The following DPYSL3 variants were observed in gnomAD, a reference collection of about 807,000 sequenced individuals.
DPYSL3 encodes dihydropyrimidinase like 3, also known as dihydropyrimidinase-related protein 3.
DPYSL3 carries 16 observed loss-of-function variants against 66.1 expected under a neutral mutation model. The ratio of observed to expected loss-of-function variants is 0.24; its 90% CI spans 0.16 to 0.37. The LOEUF is 0.37. Among genes scored for constraint, DPYSL3 ranks in the 10% least tolerant of loss-of-function variants. The pLI is 1.00. For missense variants in DPYSL3, 738 were observed against 916.2 expected, an observed-to-expected ratio of 0.81 and a Z score of 2.51; for synonymous variants, 338 against 345.1, an observed-to-expected ratio of 0.98 and a Z score of 0.23.
chr5:147,449,501 G>A lies in DPYSL3; in HGVS notation c.382-24538C>T, dbSNP rs1029575913. Among the ~76,000 whole-genome samples the A allele has an allele frequency of 1.1e-4, 17 of 152,296 alleles. No homozygotes were observed. In the South Asian group the frequency reaches 3.5e-3, roughly 32 times the overall value. ...GGAAAAGACCAGTTCTCTATAATTTGTCTCCTAGAGGGAATTCTGGAGCTG... is the reference window on the plus strand; with the variant it reads ...GGAAAAGACCAGTTCTCTATAATTTATCTCCTAGAGGGAATTCTGGAGCTG... On this transcript the variant is annotated intron_variant, in intron 1 of 13. Transcript: ENST00000343218.
chr5:147,470,562 G>A (rs1480005047), intron 1 of DPYSL3, among the ~76,000 whole-genome samples: 1 of 151,970 alleles, frequency 6.6e-6, no homozygotes, highest in Non-Finnish European at 1.5e-5. Flanking sequence ...TCATTCCTCA[G>A]TATTCTCAGA....
At chr5:147,397,896 A>AC (rs762806495) in intron 11 of DPYSL3, 51 bp from the exon 12 acceptor site, 1 of 791,506 alleles carries the variant, frequency 1.3e-6, no homozygotes, top group Non-Finnish European at 1.8e-6. Context: ...AGAAAGAGGA[A>AC]CGTACCTTCT....
At chr5:147,432,502 G>C (rs1752333282) in intron 1 of DPYSL3, among the ~76,000 whole-genome samples, 1 of 152,212 alleles carries the variant, frequency 6.6e-6, no homozygotes, top group Admixed American at 6.5e-5. Flanking sequence ...GGAATGGACT[G>C]TGGGGAGCAC....
intron 1 of DPYSL3, among the ~76,000 whole-genome samples, chr5:147,441,288 C>T (rs1167820932): frequency 1.3e-5 from 2 of 151,484 alleles, no homozygotes; most frequent in South Asian, 2.1e-4. Context: ...ATCAGGGTGT[C>T]AGCAGGCTTG....
chr5:147,465,226 AAAC>A (rs1368952448), intron 1 of DPYSL3, among the ~76,000 whole-genome samples: 3 of 152,134 alleles, frequency 2.0e-5, no homozygotes. Context: ...ACAAAAAACA[AAAC>A]AACAACAATA....
At chr5:147,448,918 G>C (rs893657188) in intron 1 of DPYSL3, among the ~76,000 whole-genome samples, 1 of 152,158 alleles carries the variant, frequency 6.6e-6, no homozygotes, top group Admixed American at 6.5e-5. Flanking sequence ...AGACTTCCAT[G>C]ATCAGATATC....
Position 147,397,769 on chromosome 5 carries a change from A to G in DPYSL3, c.1700T>C (p.Met567Thr). The G allele has an allele frequency of 1.2e-6, 2 of 1,614,186 alleles. No homozygotes were observed. The highest frequency in any genetic ancestry group is 2.2e-5 in the East Asian group (1 of 44,880). ...CACGTGCAGGTTGCCATCTTCCAGC[A>G]TGATCTTGCCCTGGCAGATGACAAC... ...PLVVICQGKI[M>T]LEDGNLHVTQ... Residue 567 changes from methionine (M) to threonine (T), a missense_variant, in exon 12 of 14, where the codon ATG becomes ACG. Coordinates refer to ENST00000343218, the MANE Select transcript of DPYSL3 (RefSeq NM_001197294.2).
chr5:147,451,767 T>A (rs972308287), intron 1 of DPYSL3, among the ~76,000 whole-genome samples: 1 of 152,260 alleles, frequency 6.6e-6, no homozygotes, highest in Admixed American at 6.5e-5. Context: ...TTCAATCTCC[T>A]GAGTTGGGGA....
chr5:147,443,571 G>A (rs753960231), intron 1 of DPYSL3, among the ~76,000 whole-genome samples: 4 of 150,678 alleles, frequency 2.7e-5, no homozygotes, highest in Non-Finnish European at 5.9e-5. Context: ...TAACAAACCT[G>A]CACGTTCTGC....
intron 3 of DPYSL3, 22 bp from the exon 4 acceptor site, chr5:147,415,895 T>G: frequency 1.2e-6 from 2 of 1,611,110 alleles, no homozygotes; most frequent in South Asian, 1.1e-5. Context: ...AGACCCCAGA[T>G]GAGTCACTCT....
Position 147,394,054 on chromosome 5 carries a change from T to A in DPYSL3, c.2036A>T (p.Asn679Ile). ...RIVAPPGGRS[N>I]ITSLS ...GCTTGCTTAACTCAGAGATGTGATA[T>A]TAGAACGGCCGCCTGGGGGCGCCAC... The change falls in exon 14 of 14, where the codon AAT (asparagine) becomes ATT (isoleucine). Residue 679 changes from asparagine to isoleucine, a missense_variant. By Grantham distance (149) the Asn-to-Ile change is moderately radical. Coordinates refer to ENST00000343218, the MANE Select transcript of DPYSL3 (RefSeq NM_001197294.2). The A allele has an allele frequency of 6.2e-7, 1 of 1,614,178 alleles. No homozygotes were observed. Among genetic ancestry groups the A allele is most frequent in the Non-Finnish European group, 8.5e-7 (1 of 1,180,024 alleles).
At chr5:147,493,053 A>C (rs1753440125) in intron 1 of DPYSL3, among the ~76,000 whole-genome samples, 1 of 152,240 alleles carries the variant, frequency 6.6e-6, no homozygotes, top group Non-Finnish European at 1.5e-5. Context: ...TATTAATTTC[A>C]TCCAGAATAG....
Position 147,509,132 on chromosome 5 carries a change from TAG to T in DPYSL3, c.381+344_381+345del, listed in dbSNP as rs753700104. ...GCAAGACAATTGTGCTGTTGGCTAC[TAG>T]AGAGAAGAGCTGGAAATCACTAAGC... On this transcript the variant is annotated intron_variant, in intron 1 of 13. Coordinates refer to ENST00000343218, the MANE Select transcript of DPYSL3 (RefSeq NM_001197294.2). The surrounding 1 kb of genome is among the most constrained non-coding windows in gnomAD (Gnocchi z 5.3). 6.6e-6 allele frequency among the ~76,000 whole-genome samples: 1 copy of T among 152,148 alleles called. No individual in the cohort carries two copies. The highest frequency in any genetic ancestry group is 1.9e-4 in the East Asian group (1 of 5,178).
intron 11 of DPYSL3, among the ~76,000 whole-genome samples, chr5:147,398,407 T>C (rs1041997863): frequency 6.6e-6 from 1 of 152,200 alleles, no homozygotes; most frequent in Admixed American, 6.5e-5. Context: ...AATTATTTAA[T>C]TTTTCTGTAC....
rs9791037 is a variant in DPYSL3 at position 147,491,311 on chromosome 5, A to G, written c.381+18167T>C. On this transcript the variant is annotated intron_variant, in intron 1 of 13. Coordinates refer to ENST00000343218, the MANE Select transcript of DPYSL3 (RefSeq NM_001197294.2). ...ACTGTAAAACCCTTTCTCTTCCCCTACACCTTGCCACTACATTACTAATGG... is the reference window on the plus strand; with the variant it reads ...ACTGTAAAACCCTTTCTCTTCCCCTGCACCTTGCCACTACATTACTAATGG... Among the ~76,000 whole-genome samples the G allele has an allele frequency of 3.9e-4, 60 of 152,298 alleles. 1 individual carries two copies. The East Asian group carries it at 0.011, about 29-fold the overall frequency.
intron 1 of DPYSL3, among the ~76,000 whole-genome samples, chr5:147,481,210 C>A (rs924232790): frequency 1.3e-5 from 2 of 152,150 alleles, no homozygotes; most frequent in Non-Finnish European, 2.9e-5. Flanking sequence ...TGGCAAGTCA[C>A]TGAACCTTGT....
intron 1 of DPYSL3, among the ~76,000 whole-genome samples, chr5:147,458,481 G>A (rs1352389442): frequency 2.0e-5 from 3 of 152,182 alleles, no homozygotes; most frequent in African/African-American, 7.2e-5. Flanking sequence ...CCTCGGGGCT[G>A]CTCTGTTTAT....
At chr5:147,446,227 A>G (rs568437223) in intron 1 of DPYSL3, among the ~76,000 whole-genome samples, 109 of 152,338 alleles carry the variant, frequency 7.2e-4, no homozygotes, top group Non-Finnish European at 1.2e-3. Context: ...TTACTGATGC[A>G]GAATCTGAGA....
chr5:147,494,938 T>C (rs1316058844), intron 1 of DPYSL3, among the ~76,000 whole-genome samples: 1 of 150,972 alleles, frequency 6.6e-6, no homozygotes. Flanking sequence ...TGTATACCCA[T>C]AGATTTGATA....
Sources: gnomAD v4.1 joint callset for allele counts (sites outside exome capture counted in the v4.1 genomes callset) on GRCh38, gnomAD v4.1.1 for gene constraint, Gnocchi (gnomAD v3.1) non-coding constraint, MANE v1.5 for transcripts, NCBI Gene and HGNC (gene_info 2026-07-23, HGNC 2026-07-21) for gene names.